The following TENM3 variants were observed in gnomAD, a reference collection of about 807,000 sequenced individuals.
TENM3 encodes the protein teneurin transmembrane protein 3.
TENM3 carries 63 observed loss-of-function variants against 255.1 expected under a neutral mutation model. The ratio of observed to expected loss-of-function variants is 0.25; its 90% confidence interval spans 0.20 to 0.30. The LOEUF (loss-of-function observed/expected upper bound fraction) is 0.30. Ranked by LOEUF, TENM3 falls within the 10% of genes least tolerant of loss-of-function variation. The probability of loss-of-function intolerance (pLI) is 1.00; values close to 1 mark genes in which losing one functional copy is unlikely to be tolerated. For missense variants in TENM3, 2,929 were observed against 3,461.1 expected (o/e 0.85, Z 3.86); for synonymous variants, 1,306 against 1,322.3 (o/e 0.99, Z 0.27).
rs78777839 is a variant in TENM3, at chr4:182,213,444, A to G, written c.-76+68690A>G. Among the ~76,000 whole-genome samples, 1,177 of 152,346 alleles carry G rather than the reference A, an allele frequency of 7.7e-3. 23 individuals are homozygous for G. Among genetic ancestry groups the G allele is most frequent in the African/African-American group, 0.026 (1,093 of 41,582 alleles). ...GTATTTTTAGCCTCAGAATAAAACC[A>G]TCATACCCCAAAAGGTGTAAAGAAA... On this transcript the variant is annotated intron_variant, in intron 1 of 2. Transcript: ENST00000512480.
At chr4:182,638,425 G>A (rs923337895) in intron 5 of TENM3, among the ~76,000 whole-genome samples, 8 of 152,048 alleles carry the variant, frequency 5.3e-5, no homozygotes, top group African/African-American at 1.9e-4. Flanking sequence ...TAACTAAGGA[G>A]GTCAGCACGT....
intron 3 of TENM3, among the ~76,000 whole-genome samples, chr4:182,383,475 A>AT (rs1452641949): frequency 1.4e-5 from 2 of 145,530 alleles, no homozygotes; most frequent in East Asian, 2.2e-4. Flanking sequence ...ATTTTTATTT[A>AT]TTTTTTTAAA....
At chr4:181,890,536 C>A in the TENM3 span, among the ~76,000 whole-genome samples, 2 of 152,084 alleles carry the variant, frequency 1.3e-5, no homozygotes, top group African/African-American at 4.8e-5. Context: ...TAAAAGGTTT[C>A]TAAATGTCAA....
At chr4:182,004,645 G>A in the TENM3 span, among the ~76,000 whole-genome samples, 17 of 152,062 alleles carry the variant, frequency 1.1e-4, no homozygotes, top group East Asian at 3.3e-3. Flanking sequence ...TTGAGGAATC[G>A]CCATACTGCC....
intron 3 of TENM3, among the ~76,000 whole-genome samples, chr4:182,356,767 G>T (rs1352772591): frequency 2.6e-5 from 4 of 151,552 alleles, no homozygotes; most frequent in Non-Finnish European, 1.5e-5. Context: ...TGCACAATGT[G>T]CAGGTTAGCT....
At chr4:181,578,480 G>A in the TENM3 span, among the ~76,000 whole-genome samples, 4 of 152,288 alleles carry the variant, frequency 2.6e-5, no homozygotes, top group South Asian at 2.1e-4. Flanking sequence ...TGGTTATCCC[G>A]AAAGCTTCTG....
At chr4:182,660,225 A>G (rs1321247453) in intron 6 of TENM3, among the ~76,000 whole-genome samples, 1 of 152,210 alleles carries the variant, frequency 6.6e-6, no homozygotes, top group Admixed American at 6.5e-5. Flanking sequence ...AGCTCTTGGC[A>G]CAGTTCTGGC....
the TENM3 span, among the ~76,000 whole-genome samples, chr4:181,630,114 T>A: frequency 1.3e-5 from 2 of 152,230 alleles, no homozygotes; most frequent in Non-Finnish European, 2.9e-5. Flanking sequence ...GATTTTCTAG[T>A]TCATTTGCAT....
the TENM3 span, among the ~76,000 whole-genome samples, chr4:181,670,977 A>C: frequency 6.6e-6 from 1 of 152,186 alleles, no homozygotes; most frequent in Non-Finnish European, 1.5e-5. Context: ...TCAATACTTC[A>C]CCTGTGACAC....
At chr4:181,623,543 C>T in the TENM3 span, among the ~76,000 whole-genome samples, 29 of 152,304 alleles carry the variant, frequency 1.9e-4, no homozygotes, top group Non-Finnish European at 3.7e-4. Context: ...CTGTTACCAA[C>T]GTCAAGGCAA....
the TENM3 span, among the ~76,000 whole-genome samples, chr4:181,577,114 TAATA>T: frequency 7.4e-6 from 1 of 134,948 alleles, no homozygotes; most frequent in Non-Finnish European, 1.5e-5. Flanking sequence ...TATTATATAA[TAATA>T]AATTATGTGT....
At chr4:182,321,115 C>T (rs1277342711) in intron 1 of TENM3, among the ~76,000 whole-genome samples, 2 of 152,126 alleles carry the variant, frequency 1.3e-5, no homozygotes, top group South Asian at 2.1e-4. Flanking sequence ...ATTTAGTTTT[C>T]GGTCTATAGG....
the TENM3 span, among the ~76,000 whole-genome samples, chr4:181,556,343 C>T: frequency 6.6e-6 from 1 of 151,962 alleles, no homozygotes; most frequent in South Asian, 2.1e-4. Context: ...ATTGGATGCT[C>T]AGTAGATTCT....
At chr4:181,498,578 G>T in the TENM3 span, among the ~76,000 whole-genome samples, 3 of 152,194 alleles carry the variant, frequency 2.0e-5, no homozygotes, top group Non-Finnish European at 4.4e-5. Context: ...TACTTAAAGG[G>T]CTAACATGTG....
intron 24 of TENM3, among the ~76,000 whole-genome samples, chr4:182,781,811 A>C (rs1765191886): frequency 1.3e-5 from 2 of 149,648 alleles, no homozygotes; most frequent in African/African-American, 4.9e-5. Flanking sequence ...GAATTTATCC[A>C]TTTCTTCTAG....
At chr4:181,897,613 A>G in the TENM3 span, among the ~76,000 whole-genome samples, 6 of 152,228 alleles carry the variant, frequency 3.9e-5, no homozygotes, top group Non-Finnish European at 5.9e-5. Flanking sequence ...AGATTTTGAT[A>G]CAAAAAGCTT....
At chr4:182,334,536 G>C (rs1516535) in intron 2 of TENM3, among the ~76,000 whole-genome samples, 113,819 of 151,568 alleles carry the variant, frequency 0.75, 42,860 homozygotes, top group Admixed American at 0.85. Context: ...ACAAAATGGA[G>C]TTAATATGTA....
At chr4:182,522,483 C>T (rs980542035) in intron 3 of TENM3, among the ~76,000 whole-genome samples, 3 of 152,204 alleles carry the variant, frequency 2.0e-5, no homozygotes, top group African/African-American at 4.8e-5. Context: ...CAATGACCTC[C>T]ACCTCCATCC....
the TENM3 span, among the ~76,000 whole-genome samples, chr4:181,857,889 A>T: frequency 1.3e-5 from 2 of 152,108 alleles, no homozygotes; most frequent in African/African-American, 2.4e-5. Context: ...GTCTGCTGTG[A>T]GGAGAAAGGA....
Sources: allele counts gnomAD v4.1 joint callset (sites outside exome capture counted in the v4.1 genomes callset), GRCh38; gene constraint gnomAD v4.1.1; transcripts MANE v1.5; gene names NCBI Gene and HGNC (gene_info 2026-07-23, HGNC 2026-07-21).